The following FMN2 variants were observed in gnomAD, a reference collection of about 807,000 sequenced individuals.
FMN2 encodes the protein formin-2.
FMN2 carries 51 observed loss-of-function variants against 142.3 expected under a neutral mutation model. That is an observed-to-expected ratio of 0.36 (90% CI 0.29 to 0.45). The LOEUF is 0.45. Ranked by LOEUF, FMN2 falls within the 20% of genes least tolerant of loss-of-function variation. FMN2 has a pLI of 1.00. For synonymous variants in FMN2, 882 were observed against 869.8 expected (o/e 1.01, Z -0.25); for missense variants, 1,936 against 2,122.8 (o/e 0.91, Z 1.73).
intron 15 of FMN2, among the ~76,000 whole-genome samples, chr1:240,432,026 G>T (rs1224270880): frequency 6.6e-6 from 1 of 151,588 alleles, no homozygotes; most frequent in African/African-American, 2.4e-5. Context: ...TCTATTTTCT[G>T]GATGAGTTAG....
At chr1:240,373,006 G>T (rs1558459041) in intron 14 of FMN2, among the ~76,000 whole-genome samples, 2 of 152,162 alleles carry the variant, frequency 1.3e-5, no homozygotes, top group African/African-American at 4.8e-5. Flanking sequence ...CCAACACGGT[G>T]AAACCTCACC....
intron 7 of FMN2, among the ~76,000 whole-genome samples, chr1:240,276,760 G>C (rs765705769): frequency 6.6e-6 from 1 of 152,058 alleles, no homozygotes; most frequent in Non-Finnish European, 1.5e-5. Context: ...TATACTGCTT[G>C]AATCTACTAT....
At chr1:240,430,759 T>C (rs906297296) in intron 15 of FMN2, among the ~76,000 whole-genome samples, 2 of 151,156 alleles carry the variant, frequency 1.3e-5, no homozygotes, top group African/African-American at 2.4e-5. Flanking sequence ...TTGAATTGGC[T>C]CGCCACCTTT....
chr1:240,362,592 T>G (rs1485459031), intron 14 of FMN2, among the ~76,000 whole-genome samples: 1 of 152,200 alleles, frequency 6.6e-6, no homozygotes, highest in Admixed American at 6.5e-5. Context: ...ATCGCTGAAC[T>G]ATAAAGAACC....
At chr1:240,274,053 C>G (rs1669108794) in intron 7 of FMN2, among the ~76,000 whole-genome samples, 1 of 152,068 alleles carries the variant, frequency 6.6e-6, no homozygotes, top group Admixed American at 6.6e-5. Context: ...TCTTTCCTTC[C>G]TTGATTTCTT....
intron 16 of FMN2, among the ~76,000 whole-genome samples, chr1:240,463,215 G>A (rs945214299): frequency 1.3e-5 from 2 of 152,148 alleles, no homozygotes; most frequent in African/African-American, 4.8e-5. Flanking sequence ...CTGGTTCAGG[G>A]GACGTGAGAA....
intron 7 of FMN2, among the ~76,000 whole-genome samples, chr1:240,266,658 T>C (rs1668818054): frequency 6.6e-6 from 1 of 152,064 alleles, no homozygotes; most frequent in Non-Finnish European, 1.5e-5. Flanking sequence ...TTGTGTATAG[T>C]GCTGTGATGA....
intron 6 of FMN2, among the ~76,000 whole-genome samples, chr1:240,234,144 G>A (rs561884194): frequency 8.5e-5 from 13 of 152,206 alleles, no homozygotes; most frequent in African/African-American, 2.6e-4. Flanking sequence ...CTTCCCTTGA[G>A]CTCATAGTGC....
chr1:240,379,042 G>A (rs936142445), intron 14 of FMN2, among the ~76,000 whole-genome samples: 3 of 152,138 alleles, frequency 2.0e-5, no homozygotes, highest in African/African-American at 7.2e-5. Flanking sequence ...ATGTTGTTGG[G>A]TGTGTAGGTT....
intron 15 of FMN2, among the ~76,000 whole-genome samples, chr1:240,437,291 G>GTTTTT (rs1558106124): frequency 8.4e-6 from 1 of 119,710 alleles, no homozygotes; most frequent in African/African-American, 4.2e-5. Context: ...AGCATCTCTT[G>GTTTTT]CTTTTTTTTT....
At chr1:240,186,262 C>G (rs1665444682) in intron 3 of FMN2, among the ~76,000 whole-genome samples, 2 of 152,124 alleles carry the variant, frequency 1.3e-5, no homozygotes, top group African/African-American at 4.8e-5. Flanking sequence ...CTGGTGGAAC[C>G]CACTTTCATG....
intron 2 of FMN2, among the ~76,000 whole-genome samples, chr1:240,172,582 A>C (rs755686291): frequency 6.6e-6 from 1 of 152,152 alleles, no homozygotes; most frequent in African/African-American, 2.4e-5. Flanking sequence ...AAGCTCCCCC[A>C]AAAAGACAAG....
At chr1:240,452,242 A>C (rs1310981156) in intron 16 of FMN2, among the ~76,000 whole-genome samples, 1 of 152,164 alleles carries the variant, frequency 6.6e-6, no homozygotes, top group East Asian at 1.9e-4. Flanking sequence ...ACTCTTTTTC[A>C]AAAGAATATA....
intron 16 of FMN2, among the ~76,000 whole-genome samples, chr1:240,467,277 CTT>C (rs35875922): frequency 1.1e-3 from 150 of 140,864 alleles, no homozygotes; most frequent in Non-Finnish European, 1.0e-3. Flanking sequence ...TAAATCGTTC[CTT>C]TTTTTTTTTT....
chr1:240,186,573 G>A (rs1558346350), intron 3 of FMN2, among the ~76,000 whole-genome samples: 1 of 152,226 alleles, frequency 6.6e-6, no homozygotes, highest in Non-Finnish European at 1.5e-5. Context: ...CTTGAGCAAA[G>A]CCCCGAAGGA....
intron 14 of FMN2, among the ~76,000 whole-genome samples, chr1:240,375,974 A>G (rs979594696): frequency 6.6e-6 from 1 of 151,868 alleles, no homozygotes; most frequent in Non-Finnish European, 1.5e-5. Context: ...TAGTTTTTGC[A>G]TTATGTATTT....
chr1:240,369,280 T>C (rs551688869), intron 14 of FMN2, among the ~76,000 whole-genome samples: 15 of 152,308 alleles, frequency 9.8e-5, no homozygotes, highest in African/African-American at 3.6e-4. Context: ...AAGTCTAAAG[T>C]TGCTGTTTTT....
At chr1:240,269,502 G>C (rs578072499) in intron 7 of FMN2, among the ~76,000 whole-genome samples, 1 of 151,936 alleles carries the variant, frequency 6.6e-6, no homozygotes, top group Non-Finnish European at 1.5e-5. Context: ...TGTCCTTTTT[G>C]ATCAAGATTA....
Position 240,092,001 on chromosome 1 carries a change from G to A in FMN2, c.-109G>A. Reference sequence around the variant, plus strand: ...GCCTCCCCTCCCAGCGGCTCCCCCCGCCGCCGCCTGACTCTCCCGGGAGAC... The same window carrying A: ...GCCTCCCCTCCCAGCGGCTCCCCCCACCGCCGCCTGACTCTCCCGGGAGAC... On this transcript the variant is annotated 5_prime_UTR_variant, in exon 1 of 18. Coordinates refer to ENST00000319653, the MANE Select transcript of FMN2 (RefSeq NM_020066.5). 1 of 1,375,468 alleles carries A rather than the reference G, an allele frequency of 7.3e-7. No homozygotes were observed. Among genetic ancestry groups the A allele is most frequent in the Non-Finnish European group, 9.3e-7 (1 of 1,073,082 alleles). 85.2% of individuals were successfully genotyped at this position (1,375,468 alleles called of 1,614,324 possible).
Sources: gnomAD v4.1 joint callset for allele counts (sites outside exome capture counted in the v4.1 genomes callset) on GRCh38, gnomAD v4.1.1 for gene constraint, MANE v1.5 for transcripts, NCBI Gene and HGNC (gene_info 2026-07-23, HGNC 2026-07-21) for gene names.